Variants in ACACB observed in about 807,000 individuals in gnomAD.
ACACB encodes acetyl-CoA carboxylase beta.
A neutral mutation model predicts 278.8 loss-of-function variants in ACACB; 209 were observed. That is an observed-to-expected ratio of 0.75 (90% CI 0.67 to 0.84). ACACB has a LOEUF of 0.84. ACACB is among the 40% of genes least tolerant of loss of function. ACACB has a pLI of 0.00. For synonymous variants in ACACB, 1,174 were observed against 1,285.6 expected, an observed-to-expected ratio of 0.91 and a Z score of 1.86; for missense variants, 2,850 against 3,269.0, an observed-to-expected ratio of 0.87 and a Z score of 3.13.
chr12:109,225,771 A>C (rs2046296920), intron 27 of ACACB, among the ~76,000 whole-genome samples: 1 of 152,228 alleles, frequency 6.6e-6, no homozygotes, highest in African/African-American at 2.4e-5. Flanking sequence ...AACTGCATCC[A>C]GTCTAAATCG....
chr12:109,167,063 G>C (rs2043933605), intron 3 of ACACB, 70 bp downstream of exon 3: 4 of 1,602,136 alleles, frequency 2.5e-6, no homozygotes, highest in Admixed American at 1.7e-5. Context: ...TCAGCTGGAG[G>C]TGGGAGATTC....
chr12:109,154,884 G>C (rs2043484870), intron 2 of ACACB: 1 of 152,794 alleles, frequency 6.5e-6, no homozygotes, highest in Admixed American at 6.5e-5. Context: ...TGGCCTGCGG[G>C]GTGGTCAACA....
rs766501542 is a variant in ACACB at position 109,253,043 on chromosome 12, A to T, written c.5930A>T (p.Asn1977Ile). 1.2e-6 allele frequency: 2 copies of T among 1,612,546 alleles called. No individual in the cohort carries two copies. The highest frequency in any genetic ancestry group is 2.2e-5 in the South Asian group (2 of 90,680). ...KVLGREVYTS[N>I]NQLGGVQIMH... is the part of the protein sequence containing the mutation. ...CTGGGAAGAGAGGTCTACACATCCAACAACCAGCTGGGTGGCGTTCAGATC... is the reference window on the plus strand; with the variant it reads ...CTGGGAAGAGAGGTCTACACATCCATCAACCAGCTGGGTGGCGTTCAGATC... The change falls in exon 43 of 53, where the codon AAC (asparagine) becomes ATC (isoleucine). Residue 1977 changes from asparagine (N) to isoleucine (I), a missense_variant. Asn to Ile is a moderately radical substitution (Grantham distance 149). Around this residue, in one of 3 missense-constraint regions of ACACB, gnomAD observed 579 missense variants for 684.6 expected, o/e 0.85. Transcript: ENST00000338432.
Position 109,180,105 on chromosome 12 carries a change from G to A in ACACB, c.1818+18G>A, listed in dbSNP as rs1450481701. Reference sequence around the variant, plus strand: ...AGCTACAGGTGAGAAAATGGGCTTGGGGCCCTGGGACTTCTCTGCCCTGGG... The same window carrying A: ...AGCTACAGGTGAGAAAATGGGCTTGAGGCCCTGGGACTTCTCTGCCCTGGG... On this transcript the variant is annotated intron_variant, in intron 11 of 52. Coordinates refer to ENST00000338432, the MANE Select transcript of ACACB (RefSeq NM_001093.4). 1 of 1,606,594 alleles carries A rather than the reference G, an allele frequency of 6.2e-7. No individual in the cohort carries two copies. The highest frequency in any genetic ancestry group is 1.3e-5 in the African/African-American group (1 of 74,778).
chr12:109,143,004 A>G (rs1476318178), intron 2 of ACACB, among the ~76,000 whole-genome samples: 1 of 152,156 alleles, frequency 6.6e-6, no homozygotes, highest in Non-Finnish European at 1.5e-5. Flanking sequence ...AGCTGGCAGG[A>G]GGGACAGAGG....
chr12:109,174,116 G>A lies in ACACB; in HGVS notation c.1118-16G>A. 6.2e-7 allele frequency: 1 copy of A among 1,600,696 alleles called. No individual in the cohort carries two copies. The highest frequency in any genetic ancestry group is 8.5e-7 in the Non-Finnish European group (1 of 1,173,736). ...CTGACCGGATTCTGCTTCCCTTCTTGTCCCCGATTCCTCAGGCCCTCCCAG... is the reference window on the plus strand; with the variant it reads ...CTGACCGGATTCTGCTTCCCTTCTTATCCCCGATTCCTCAGGCCCTCCCAG... On this transcript the variant is annotated splice_polypyrimidine_tract_variant and intron_variant, in intron 6 of 52. Coordinates refer to ENST00000338432, the MANE Select transcript of ACACB (RefSeq NM_001093.4).
chr12:109,131,681 C>T (rs761369702), intron 1 of ACACB, among the ~76,000 whole-genome samples: 34 of 152,134 alleles, frequency 2.2e-4, no homozygotes, highest in Non-Finnish European at 4.6e-4. Context: ...TGGTGAAGGC[C>T]ACGATCACTC....
At chr12:109,196,754 G>A (rs1439848393) in intron 16 of ACACB, among the ~76,000 whole-genome samples, 3 of 152,176 alleles carry the variant, frequency 2.0e-5, no homozygotes, top group Admixed American at 6.5e-5. Flanking sequence ...TTGCCAACAC[G>A]GCTTGACAGG....
chr12:109,235,744 T>C (rs910918281), intron 33 of ACACB, 97 bp downstream of exon 33: 45 of 1,140,750 alleles, frequency 3.9e-5, no homozygotes, highest in Non-Finnish European at 5.2e-5. Context: ...AAGCCCGTAA[T>C]CCTAGCACTT....
intron 28 of ACACB, among the ~76,000 whole-genome samples, chr12:109,231,909 C>T (rs538231297): frequency 8.2e-4 from 125 of 152,332 alleles, no homozygotes; most frequent in Middle Eastern, 3.4e-3. Flanking sequence ...AGGTGTTCAG[C>T]ATAAACCACA....
intron 2 of ACACB, among the ~76,000 whole-genome samples, chr12:109,153,490 C>T (rs1005198966): frequency 3.3e-5 from 5 of 152,160 alleles, no homozygotes; most frequent in African/African-American, 1.2e-4. Context: ...AATGTGTACA[C>T]TGGGAGAACC....
intron 37 of ACACB, among the ~76,000 whole-genome samples, chr12:109,244,950 A>G (rs985419548): frequency 5.3e-5 from 8 of 152,172 alleles, no homozygotes; most frequent in African/African-American, 1.9e-4. Context: ...CTGTAATCCC[A>G]GCACTTTGGG....
At chr12:109,167,617 A>G (rs1415715428) in intron 3 of ACACB, among the ~76,000 whole-genome samples, 4 of 103,908 alleles carry the variant, frequency 3.8e-5, no homozygotes, top group Admixed American at 3.1e-4. Context: ...AAATATATGT[A>G]TGTGTATATA....
At chr12:109,241,539 G>T in intron 36 of ACACB, 1 of 457,822 alleles carries the variant, frequency 2.2e-6, no homozygotes, top group Non-Finnish European at 4.0e-6. Flanking sequence ...ATAGAGACAA[G>T]GTGTCACCAT....
intron 37 of ACACB, 112 bp downstream of exon 37, chr12:109,242,704 C>T (rs1006763106): frequency 8.9e-6 from 12 of 1,353,844 alleles, no homozygotes. Context: ...AGGACAAGGT[C>T]TTGCCAGGTG....
At chr12:109,222,985 G>A (rs1321897380) in intron 26 of ACACB, 73 bp downstream of exon 26, 26 of 1,189,342 alleles carry the variant, frequency 2.2e-5, no homozygotes, top group Admixed American at 4.0e-5. Flanking sequence ...CTGGGGAAAC[G>A]GCTCCTCCTG....
intron 1 of ACACB, among the ~76,000 whole-genome samples, chr12:109,128,582 G>A (rs1034082384): frequency 6.1e-4 from 93 of 151,784 alleles, no homozygotes; most frequent in African/African-American, 2.1e-3. Context: ...CAAGTGATCT[G>A]CCCCCCTCAG....
At chr12:109,266,174 C>T (rs2047512408) in intron 52 of ACACB, 62 bp from the exon 53 acceptor site, 4 of 1,577,298 alleles carry the variant, frequency 2.5e-6, no homozygotes, top group Admixed American at 1.8e-5. Flanking sequence ...GACTCTGCCA[C>T]CCTTGGGGCC....
At chr12:109,221,163 G>A (rs1467415524) in intron 24 of ACACB, among the ~76,000 whole-genome samples, 1 of 152,130 alleles carries the variant, frequency 6.6e-6, no homozygotes, top group African/African-American at 2.4e-5. Flanking sequence ...CAGCATTGAT[G>A]TTCCTGTGTC....
Sources: allele counts gnomAD v4.1 joint callset (sites outside exome capture counted in the v4.1 genomes callset), GRCh38; gene constraint gnomAD v4.1.1; regional missense constraint gnomAD v4.1.1; transcripts MANE v1.5; gene names NCBI Gene and HGNC (gene_info 2026-07-23, HGNC 2026-07-21).